MDM4: variants seen among roughly 807,000 people sequenced by gnomAD.
MDM4 encodes the protein protein Mdm4.
In MDM4, 2 loss-of-function variants were observed where a neutral mutation model predicts 60.2. The ratio of observed to expected loss-of-function variants is 0.03; its 90% CI spans 0.01 to 0.10. The LOEUF is 0.10. MDM4 is among the 10% of genes least tolerant of loss of function. The pLI, the probability that MDM4 is intolerant of heterozygous loss-of-function variation, is 1.00. For missense variants in MDM4, 447 were observed against 577.5 expected (o/e 0.77, Z 2.32); for synonymous variants, 202 against 198.1 (o/e 1.02, Z -0.17).
chr1:204,532,826 T>C (rs1301168371), intron 5 of MDM4: 1 of 1,611,060 alleles, frequency 6.2e-7, no homozygotes, highest in South Asian at 1.1e-5. Flanking sequence ...GATTGTATCC[T>C]TGTGATTTTG....
chr1:204,544,679 A>C lies in MDM4; in HGVS notation c.817A>C (p.Lys273Gln), dbSNP rs777113316. The change falls in exon 9 of 11, where the codon AAA (lysine) becomes CAA (glutamine). Residue 273 changes from lysine to glutamine, a missense_variant. Around this residue, in one of 8 missense-constraint regions of MDM4, gnomAD observed 184 missense variants for 179.3 expected, o/e 1.03. Transcript: ENST00000367182. ...TSEEVGKVSD[K>Q]KVIEVGKNDD... Reference sequence around the variant, plus strand: ...TGAAGAAGTAGGGAAAGTAAGTGACAAAAAGGTATGTTGTGGAAAAATTCC... The same window carrying C: ...TGAAGAAGTAGGGAAAGTAAGTGACCAAAAGGTATGTTGTGGAAAAATTCC... 4.3e-6 allele frequency: 7 copies of C among 1,611,542 alleles called. No homozygotes were observed. The highest frequency in any genetic ancestry group is 5.9e-6 in the Non-Finnish European group (7 of 1,178,288).
intron 3 of MDM4, among the ~76,000 whole-genome samples, chr1:204,527,475 G>A (rs1199966138): frequency 1.3e-5 from 2 of 152,074 alleles, no homozygotes; most frequent in Non-Finnish European, 2.9e-5. Context: ...CCAACATGGA[G>A]AAACCCCATC....
At chr1:204,534,406 C>T (rs990201410) in intron 5 of MDM4, among the ~76,000 whole-genome samples, 1 of 152,120 alleles carries the variant, frequency 6.6e-6, no homozygotes, top group Non-Finnish European at 1.5e-5. Flanking sequence ...TTCTGAATAT[C>T]TATAATTCTC....
At chr1:204,544,486 C>G (rs368698165) in intron 8 of MDM4, 49 bp from the exon 9 acceptor site, 9 of 1,555,752 alleles carry the variant, frequency 5.8e-6, no homozygotes, top group Non-Finnish European at 7.0e-6. Flanking sequence ...TTCAACATCT[C>G]TGATAAACCT....
chr1:204,550,351 G>A lies in MDM4; in HGVS notation c.*669G>A. On this transcript the variant is annotated 3_prime_UTR_variant, in exon 11 of 11. Coordinates refer to ENST00000367182, the MANE Select transcript of MDM4 (RefSeq NM_002393.5). The stretch of plus-strand genomic sequence containing the variant: ...ACCACACTGGCTAATTTTTTGTGGA[G>A]ATGAAGTCTCACTATGTTGCCCAGG... 4.6e-6 allele frequency: 1 copy of A among 218,632 alleles called. No individual in the cohort carries two copies. The allele number at this position is 218,632 out of a possible 1,614,324, so 13.5% of individuals were successfully genotyped here.
chr1:204,519,271 A>G (rs1659309610), intron 1 of MDM4, among the ~76,000 whole-genome samples: 1 of 152,140 alleles, frequency 6.6e-6, no homozygotes, highest in South Asian at 2.1e-4. Context: ...GGCTGGGCCA[A>G]GGTGGGCGGA....
intron 10 of MDM4, among the ~76,000 whole-genome samples, 156 bp from the exon 11 acceptor site, chr1:204,548,944 CCTTCCAAAGACTT>C (rs1662937873): frequency 1.3e-5 from 2 of 152,062 alleles, no homozygotes; most frequent in African/African-American, 4.8e-5. Context: ...TCAGTGTAAA[CCTTCCAAAGACTT>C]TCCTTCATGT....
At chr1:204,537,754 T>G in intron 6 of MDM4, 1 of 603,756 alleles carries the variant, frequency 1.7e-6, no homozygotes. Context: ...TGGGTTTGTG[T>G]GTACCTGTGT....
intron 3 of MDM4, chr1:204,529,335 G>T: frequency 1.3e-6 from 1 of 792,064 alleles, no homozygotes; most frequent in South Asian, 1.4e-5. Flanking sequence ...CTGGAACCAG[G>T]AGTAGGCCTC....
rs186676421 is a variant in MDM4, at chr1:204,551,352, G to T, written c.*1670G>T. ...TGAGCTACTGCCCCCTACCCTCTTT[G>T]CGTCTTAGGAGTCATTTAGATTTTT... On this transcript the variant is annotated 3_prime_UTR_variant, in exon 11 of 11. Transcript: ENST00000367182. 1,025 of 230,550 alleles carry T rather than the reference G, an allele frequency of 4.4e-3. 4 individuals are homozygous for T. The highest frequency in any genetic ancestry group is 0.012 in the Middle Eastern group (9 of 772). 14.3% of individuals were successfully genotyped at this position (230,550 alleles called of 1,614,324 possible).
rs2102314635 is a variant in MDM4 at position 204,525,590 on chromosome 1, C to A, written c.72C>A (p.Ile24=). The part of the protein sequence containing the change: ...DSACRISPGQ[I]NQVRPKLPLL... ...CTTGCAGGATCTCTCCTGGACAAAT[C>A]AATCAGGTAAATCATTTTCGGTATT... The change falls in exon 2 of 11, where the codon ATC becomes ATA. Residue 24 remains isoleucine (I), a synonymous_variant. Transcript: ENST00000367182. 2 of 1,563,954 alleles carry A rather than the reference C, an allele frequency of 1.3e-6. No homozygotes were observed. The highest frequency in any genetic ancestry group is 1.7e-6 in the Non-Finnish European group (2 of 1,144,308).
At chr1:204,526,114 G>A (rs139500930) in intron 2 of MDM4, among the ~76,000 whole-genome samples, 1 of 152,208 alleles carries the variant, frequency 6.6e-6, no homozygotes, top group African/African-American at 2.4e-5. Context: ...AAATTACCTG[G>A]ATATGGTGGC....
In MDM4 at chr1:204,555,181, GTCTC is replaced by G. The variant is rs371512390; in HGVS notation, c.*5505_*5508del. On this transcript the variant is annotated 3_prime_UTR_variant, in exon 11 of 11. Transcript: ENST00000367182. ...TTCTTTTTTTTTTTTTTTAGACGGA[GTCTC>G]TCTCTGTCGCCCCGGCTGGAGTGCA... 2.7e-3 allele frequency: 472 copies of G among 177,800 alleles called. 1 individual carries two copies. The highest frequency in any genetic ancestry group is 0.01 in the African/African-American group (425 of 41,388). The allele number at this position is 177,800 out of a possible 1,614,324, so 11.0% of individuals were successfully genotyped here.
At chr1:204,547,094 G>A (rs1019120371) in intron 10 of MDM4, among the ~76,000 whole-genome samples, 2 of 152,130 alleles carry the variant, frequency 1.3e-5, no homozygotes, top group Non-Finnish European at 2.9e-5. Flanking sequence ...TCCCTACCTT[G>A]AAAAGGATGA....
At chr1:204,534,576 C>T (rs565719200) in intron 5 of MDM4, among the ~76,000 whole-genome samples, 1 of 152,256 alleles carries the variant, frequency 6.6e-6, no homozygotes, top group South Asian at 2.1e-4. Context: ...CAACCTCCGC[C>T]TCCGTGGCAC....
At chr1:204,546,716 C>A in intron 9 of MDM4, 81 bp from the exon 10 acceptor site, 1 of 850,680 alleles carries the variant, frequency 1.2e-6, no homozygotes, top group Non-Finnish European at 1.9e-6. Context: ...TAAATTGAAG[C>A]AGTTGTCTTT....
At chr1:204,546,523 T>A (rs1446822961) in intron 9 of MDM4, among the ~76,000 whole-genome samples, 1 of 152,186 alleles carries the variant, frequency 6.6e-6, no homozygotes, top group African/African-American at 2.4e-5. Flanking sequence ...CTATTTTCTT[T>A]AAAGTCATAA....
intron 3 of MDM4, 135 bp from the exon 4 acceptor site, chr1:204,530,549 C>A: frequency 8.7e-7 from 1 of 1,152,508 alleles, no homozygotes. Context: ...TGTAGGACCC[C>A]TTACACAAAC....
At chr1:204,525,701 G>A in intron 2 of MDM4, 105 bp downstream of exon 2, 1 of 754,974 alleles carries the variant, frequency 1.3e-6, no homozygotes, top group Non-Finnish European at 2.1e-6. Flanking sequence ...AGAAGTCAAG[G>A]CAGGAAGCTT....
Sources: gnomAD v4.1 joint callset for allele counts (sites outside exome capture counted in the v4.1 genomes callset) on GRCh38, gnomAD v4.1.1 for gene constraint, gnomAD v4.1.1 regional missense constraint, MANE v1.5 for transcripts, NCBI Gene and HGNC (gene_info 2026-07-23, HGNC 2026-07-21) for gene names.